The following MBD5 variants were observed in gnomAD, a reference collection of about 807,000 sequenced individuals.
MBD5 encodes the protein methyl-CpG-binding domain protein 5.
MBD5 carries 13 observed loss-of-function variants against 117.3 expected under a neutral mutation model. The ratio of observed to expected loss-of-function variants is 0.11; its 90% CI spans 0.07 to 0.18. MBD5 has a LOEUF of 0.18. MBD5 is among the 10% of genes least tolerant of loss of function. The probability of loss-of-function intolerance (pLI) is 1.00; values close to 1 mark genes in which losing one functional copy is unlikely to be tolerated. For missense variants in MBD5, 1,879 were observed against 2,093.8 expected (o/e 0.90, Z 2.00); for synonymous variants, 727 against 766.4 (o/e 0.95, Z 0.85).
intron 1 of MBD5, among the ~76,000 whole-genome samples, chr2:148,147,358 T>G (rs1697493493): frequency 6.6e-6 from 1 of 151,882 alleles, no homozygotes; most frequent in Non-Finnish European, 1.5e-5. Context: ...TTCTGTTGCC[T>G]CAGCCCCCGA....
intron 1 of MBD5, among the ~76,000 whole-genome samples, chr2:148,089,860 A>C (rs575029432): frequency 1.3e-5 from 2 of 152,236 alleles, no homozygotes; most frequent in South Asian, 2.1e-4. Context: ...GAACTAAATG[A>C]AATTGAAACA....
intron 1 of MBD5, among the ~76,000 whole-genome samples, chr2:148,064,665 A>T (rs1229548579): frequency 6.6e-6 from 1 of 152,198 alleles, no homozygotes; most frequent in Non-Finnish European, 1.5e-5. Context: ...TACACCTGAA[A>T]TCAATCTTCT....
intron 1 of MBD5, among the ~76,000 whole-genome samples, chr2:148,124,559 C>T (rs887022191): frequency 6.6e-6 from 1 of 152,106 alleles, no homozygotes; most frequent in Non-Finnish European, 1.5e-5. Context: ...GCCTGGGTGA[C>T]AGAGTTAAAC....
rs756231796 is a variant in MBD5 at position 148,470,345 on chromosome 2, T to C, written c.2402T>C (p.Met801Thr). The C allele has an allele frequency of 1.9e-6, 3 of 1,613,824 alleles. No individual in the cohort carries two copies. Among genetic ancestry groups the C allele is most frequent in the Non-Finnish European group, 2.5e-6 (3 of 1,179,898 alleles). Residue 801 changes from methionine to threonine, a missense_variant, in exon 8 of 14, where the codon ATG becomes ACG. Met to Thr is a moderately conservative substitution (Grantham distance 81). Transcript: ENST00000642680. Reference sequence around the variant, plus strand: ...TGTGGGATGCTCAGTCAGTCGGGCATGGCTTTAGGAAATTCCTTACATCCC... The same window carrying C: ...TGTGGGATGCTCAGTCAGTCGGGCACGGCTTTAGGAAATTCCTTACATCCC... ...GNCGMLSQSG[M>T]ALGNSLHPNP...
intron 1 of MBD5, among the ~76,000 whole-genome samples, chr2:148,111,376 C>G (rs1696500157): frequency 6.6e-6 from 1 of 152,056 alleles, no homozygotes; most frequent in Non-Finnish European, 1.5e-5. Context: ...AACTGAGGAA[C>G]AGTCTGCAAA....
At chr2:148,330,079 C>T (rs1233761913) in intron 3 of MBD5, among the ~76,000 whole-genome samples, 4 of 2,626 alleles carry the variant, frequency 1.5e-3, no homozygotes, top group African/African-American at 2.0e-3. Context: ...GCCTAAAGCC[C>T]TCCTGCCATA....
At chr2:148,330,053 C>A (rs796742510) in intron 3 of MBD5, among the ~76,000 whole-genome samples, 6,748 of 20,990 alleles carry the variant, frequency 0.32, 1,534 homozygotes, top group Non-Finnish European at 0.39. Context: ...GCCCCCCCCA[C>A]ACACACACAC....
At chr2:148,225,901 G>A (rs1699805584) in intron 2 of MBD5, among the ~76,000 whole-genome samples, 1 of 152,076 alleles carries the variant, frequency 6.6e-6, no homozygotes, top group Admixed American at 6.6e-5. Flanking sequence ...ACCTTTGGGA[G>A]TTCAATTATT....
intron 4 of MBD5, among the ~76,000 whole-genome samples, chr2:148,360,915 A>G (rs1305050739): frequency 6.6e-6 from 1 of 152,320 alleles, no homozygotes; most frequent in East Asian, 1.9e-4. Flanking sequence ...AGCTCAGACT[A>G]GGTAAGTTTT....
At chr2:148,242,027 C>T (rs1215027941) in intron 3 of MBD5, among the ~76,000 whole-genome samples, 1 of 152,002 alleles carries the variant, frequency 6.6e-6, no homozygotes, top group Non-Finnish European at 1.5e-5. Context: ...GTCACTTTGA[C>T]CTAGGTTGGA....
chr2:148,288,070 G>GGTGT (rs141349181), intron 3 of MBD5, among the ~76,000 whole-genome samples: 1 of 151,048 alleles, frequency 6.6e-6, no homozygotes, highest in African/African-American at 2.4e-5. Flanking sequence ...GTGTTATGTT[G>GGTGT]GTGTGTGTGT....
rs529192371 is a variant in MBD5 at position 148,200,742 on chromosome 2, A to G, written c.-831+21949A>G. 9.9e-5 allele frequency among the ~76,000 whole-genome samples: 15 copies of G among 152,144 alleles called. No homozygotes were observed. The East Asian group carries it at 2.9e-3, about 29-fold the overall frequency. On this transcript the variant is annotated intron_variant, in intron 2 of 13. Transcript: ENST00000642680. Reference sequence around the variant, plus strand: ...AATCTGGTTTCAACACAGAAAAAAAAAGACATTATACGTATACTGATGACT... The same window carrying G: ...AATCTGGTTTCAACACAGAAAAAAAGAGACATTATACGTATACTGATGACT...
chr2:148,469,740 T>TA lies in MBD5; in HGVS notation c.1798dup (p.Ser600LysfsTer4). The TA allele has an allele frequency of 6.2e-7, 1 of 1,613,950 alleles. No homozygotes were observed. On this transcript the variant is annotated frameshift_variant, in exon 8 of 14. Transcript: ENST00000642680. LOFTEE classifies it high-confidence loss of function. The stretch of plus-strand genomic sequence containing the variant: ...AAAACAAACTTGCTGGTAACAACAG[T>TA]AGCAGCAGTAGCAATTCTGGAGCTG...
intron 11 of MBD5, 114 bp from the exon 12 acceptor site, chr2:148,502,322 T>TGG: frequency 1.1e-6 from 1 of 893,270 alleles, no homozygotes. Context: ...GTAGTGAAGG[T>TGG]TAAGGCTCCC....
intron 2 of MBD5, among the ~76,000 whole-genome samples, chr2:148,195,480 A>G (rs1293361840): frequency 2.6e-5 from 4 of 152,192 alleles, no homozygotes; most frequent in Non-Finnish European, 5.9e-5. Flanking sequence ...TTCCTCTCCC[A>G]TAAATGGTTA....
In MBD5 at chr2:148,297,672, C is replaced by G. The variant is rs184115973; in HGVS notation, c.-679-44542C>G. Among the ~76,000 whole-genome samples the G allele has an allele frequency of 2.0e-5, 3 of 152,306 alleles. No individual in the cohort carries two copies. The East Asian group carries it at 5.8e-4, about 29-fold the overall frequency. On this transcript the variant is annotated intron_variant, in intron 3 of 13. Coordinates refer to ENST00000642680, the MANE Select transcript of MBD5 (RefSeq NM_001378120.1). ...ATTGTTCTTAACTGCCTCTTTGATT[C>G]TCTCTGGCAAATACCTTCAAGTTTT... is the stretch of plus-strand genomic sequence containing the variant.
At chr2:148,335,569 A>G (rs1281653333) in intron 3 of MBD5, among the ~76,000 whole-genome samples, 2 of 151,842 alleles carry the variant, frequency 1.3e-5, no homozygotes, top group Non-Finnish European at 2.9e-5. Context: ...AAATAAACAC[A>G]ATTAGCTGAG....
intron 3 of MBD5, among the ~76,000 whole-genome samples, chr2:148,294,043 C>G (rs10208949): frequency 0.94 from 143,480 of 152,132 alleles, 68,171 homozygotes; most frequent in East Asian, 1. Flanking sequence ...TTGTTTTCTT[C>G]ATGTCAGATT....
At chr2:148,478,020 G>A (rs922244709) in intron 8 of MBD5, among the ~76,000 whole-genome samples, 7 of 152,076 alleles carry the variant, frequency 4.6e-5, no homozygotes, top group Non-Finnish European at 1.0e-4. Context: ...CCAAAGACGT[G>A]TATAACAATA....
Sources: gnomAD v4.1 joint callset for allele counts (sites outside exome capture counted in the v4.1 genomes callset) on GRCh38, gnomAD v4.1.1 for gene constraint, MANE v1.5 for transcripts, NCBI Gene and HGNC (gene_info 2026-07-23, HGNC 2026-07-21) for gene names.